Variants in LOC400499 observed in about 807,000 individuals in gnomAD.
At chr16:11,456,332 G>A in the LOC400499 span, among the ~76,000 whole-genome samples, 2 of 152,208 alleles carry the variant, frequency 1.3e-5, no homozygotes, top group Non-Finnish European at 2.9e-5. Flanking sequence ...ACAGGCGTGA[G>A]CCACCATTCC....
chr16:11,444,508 C>G, the LOC400499 span, among the ~76,000 whole-genome samples: 1 of 152,176 alleles, frequency 6.6e-6, no homozygotes, highest in African/African-American at 2.4e-5. Flanking sequence ...CCGTTCATTA[C>G]GTATTATTCA....
chr16:11,448,290 G>A, the LOC400499 span, among the ~76,000 whole-genome samples: 11 of 152,198 alleles, frequency 7.2e-5, no homozygotes, highest in South Asian at 4.1e-4. Context: ...CTAGGTACCC[G>A]GGGGAAAGAA....
chr16:11,517,985 C>A, the LOC400499 span, among the ~76,000 whole-genome samples: 2 of 152,192 alleles, frequency 1.3e-5, no homozygotes, highest in African/African-American at 4.8e-5. Flanking sequence ...CAACTGAAGC[C>A]TGGAGGTCTT....
the LOC400499 span, among the ~76,000 whole-genome samples, chr16:11,381,613 T>C: frequency 1.3e-5 from 2 of 152,218 alleles, no homozygotes; most frequent in Admixed American, 6.5e-5. Flanking sequence ...TAAATGAACG[T>C]CGGTGGATCC....
At chr16:11,390,831 C>T in the LOC400499 span, among the ~76,000 whole-genome samples, 24 of 152,170 alleles carry the variant, frequency 1.6e-4, no homozygotes, top group Non-Finnish European at 3.5e-4. Flanking sequence ...CAGCACCTGC[C>T]AGTGTGGCAG....
chr16:11,508,465 C>G, the LOC400499 span, among the ~76,000 whole-genome samples: 1 of 152,160 alleles, frequency 6.6e-6, no homozygotes, highest in African/African-American at 2.4e-5. Context: ...CGTAGACAGA[C>G]AGAGGAGAAA....
the LOC400499 span, chr16:11,447,983 G>C: frequency 6.5e-7 from 1 of 1,536,044 alleles, no homozygotes; most frequent in Non-Finnish European, 8.7e-7. Context: ...TCTTGCCTCA[G>C]CTCCTCCAGC....
chr16:11,511,170 G>A, the LOC400499 span, among the ~76,000 whole-genome samples: 1 of 151,906 alleles, frequency 6.6e-6, no homozygotes, highest in African/African-American at 2.4e-5. Flanking sequence ...CTAATTTTTT[G>A]TATTTTTCAC....
At chr16:11,455,984 A>C in the LOC400499 span, among the ~76,000 whole-genome samples, 5 of 152,186 alleles carry the variant, frequency 3.3e-5, no homozygotes, top group South Asian at 8.3e-4. Context: ...CTTTTAAACA[A>C]GGTATCGCTT....
chr16:11,464,117 T>C, the LOC400499 span, among the ~76,000 whole-genome samples: 2 of 152,030 alleles, frequency 1.3e-5, no homozygotes, highest in East Asian at 1.9e-4. Context: ...TACATGTGGA[T>C]GTTCGTGTAT....
the LOC400499 span, chr16:11,487,244 G>A: frequency 2.5e-6 from 1 of 398,830 alleles, no homozygotes; most frequent in Non-Finnish European, 4.4e-6. Flanking sequence ...AGAGGCTATA[G>A]CAAGGCTCCC....
chr16:11,495,886 C>T, the LOC400499 span, among the ~76,000 whole-genome samples: 1 of 152,148 alleles, frequency 6.6e-6, no homozygotes, highest in East Asian at 1.9e-4. Context: ...GAGAGGCTGG[C>T]TCCCAGGCCA....
At chr16:11,424,163 G>A in the LOC400499 span, 1 of 399,472 alleles carries the variant, frequency 2.5e-6, no homozygotes, top group Non-Finnish European at 4.4e-6. Flanking sequence ...GCTTGAGGCT[G>A]GGCATGGTGT....
At chr16:11,461,167 C>A in the LOC400499 span, 2 of 1,488,946 alleles carry the variant, frequency 1.3e-6, no homozygotes, top group Non-Finnish European at 1.8e-6. Flanking sequence ...CCCCAGGGAC[C>A]AGCACCCCCA....
the LOC400499 span, among the ~76,000 whole-genome samples, chr16:11,428,960 G>C: frequency 6.6e-6 from 1 of 152,050 alleles, no homozygotes; most frequent in Non-Finnish European, 1.5e-5. Flanking sequence ...AAGCCATCTC[G>C]TAGGGACTCC....
the LOC400499 span, chr16:11,385,547 C>G: frequency 1.8e-5 from 10 of 546,990 alleles, no homozygotes; most frequent in South Asian, 9.9e-4. Context: ...TGGATTCCCC[C>G]TCCCCTGGCG....
chr16:11,440,249 T>C, the LOC400499 span, among the ~76,000 whole-genome samples: 1 of 152,168 alleles, frequency 6.6e-6, no homozygotes, highest in Non-Finnish European at 1.5e-5. Flanking sequence ...CTGCTATATA[T>C]TCACCAAACT....
At chr16:11,426,876 G>A in the LOC400499 span, among the ~76,000 whole-genome samples, 18 of 110,428 alleles carry the variant, frequency 1.6e-4, no homozygotes, top group Admixed American at 7.2e-4. Context: ...CAGTCTGGGC[G>A]ACAGAACAAG....
At chr16:11,384,120 C>T in the LOC400499 span, 9 of 1,220,114 alleles carry the variant, frequency 7.4e-6, no homozygotes, top group Non-Finnish European at 8.2e-6. Context: ...AAGTCCTCTG[C>T]AGAGCCATCA....
Sources: allele counts gnomAD v4.1 joint callset (sites outside exome capture counted in the v4.1 genomes callset), GRCh38; gene constraint gnomAD v4.1.1; transcripts MANE v1.5.